TULP4: variants seen among roughly 807,000 people sequenced by gnomAD.
TULP4 encodes TUB like protein 4.
In TULP4, 16 loss-of-function variants were observed where a neutral mutation model predicts 129.0. The observed-to-expected ratio is 0.12, with a 90% confidence interval of 0.08 to 0.19. The LOEUF (loss-of-function observed/expected upper bound fraction) is 0.19. Among genes scored for constraint, TULP4 ranks in the 10% least tolerant of loss-of-function variants. TULP4 has a pLI of 1.00. For missense variants in TULP4, 1,842 were observed against 2,059.1 expected, an observed-to-expected ratio of 0.89 and a Z score of 2.04; for synonymous variants, 998 against 854.0, an observed-to-expected ratio of 1.17 and a Z score of -2.94.
At chr6:158,336,330 G>A (rs1780032845) in intron 1 of TULP4, among the ~76,000 whole-genome samples, 1 of 152,140 alleles carries the variant, frequency 6.6e-6, no homozygotes, top group South Asian at 2.1e-4. Context: ...AGTAATATTA[G>A]TCTTTTATCT....
intron 1 of TULP4, among the ~76,000 whole-genome samples, chr6:158,390,514 A>G (rs911865463): frequency 5.9e-5 from 9 of 152,302 alleles, no homozygotes; most frequent in African/African-American, 1.7e-4. Flanking sequence ...CTGGATTCCA[A>G]TTTGTAACTA....
chr6:158,468,413 ATC>A (rs1779600756), intron 6 of TULP4, among the ~76,000 whole-genome samples: 1 of 152,158 alleles, frequency 6.6e-6, no homozygotes, highest in Non-Finnish European at 1.5e-5. Flanking sequence ...TTCTATAACT[ATC>A]TCTAATATTT....
chr6:158,428,320 C>T (rs182684549), intron 2 of TULP4: 7 of 152,258 alleles, frequency 4.6e-5, no homozygotes, highest in South Asian at 4.2e-4. Flanking sequence ...GAGAGGGTAA[C>T]GTAACCCTGC....
intron 6 of TULP4, among the ~76,000 whole-genome samples, chr6:158,473,168 T>C (rs1168345201): frequency 6.6e-6 from 1 of 152,156 alleles, no homozygotes; most frequent in African/African-American, 2.4e-5. Flanking sequence ...AATAAGAGAT[T>C]GCATGTGTGA....
At chr6:158,315,262 TC>T (rs1207132196) in intron 1 of TULP4, among the ~76,000 whole-genome samples, 1 of 152,072 alleles carries the variant, frequency 6.6e-6, no homozygotes, top group Non-Finnish European at 1.5e-5. Flanking sequence ...AGTCTCAAGA[TC>T]CGGGGCTAGT....
chr6:158,236,790 C>CTTTTTTTTTTTT (rs1562489169), intron 1 of TULP4, among the ~76,000 whole-genome samples: 1 of 33,116 alleles, frequency 3.0e-5, no homozygotes. Context: ...ATGCCCAATT[C>CTTTTTTTTTTTT]TTTTCTTTTT....
chr6:158,497,519 C>T (rs761314479), intron 11 of TULP4, among the ~76,000 whole-genome samples: 1 of 152,228 alleles, frequency 6.6e-6, no homozygotes, highest in Non-Finnish European at 1.5e-5. Context: ...CAGCCACCTA[C>T]TTTTCTTTCC....
intron 1 of TULP4, among the ~76,000 whole-genome samples, chr6:158,243,567 A>G (rs573352680): frequency 1.3e-5 from 2 of 151,298 alleles, no homozygotes; most frequent in East Asian, 1.9e-4. Flanking sequence ...TTTCTTTGCA[A>G]CTCTTTATTG....
chr6:158,443,176 T>G (rs1265204527), intron 3 of TULP4, among the ~76,000 whole-genome samples: 1 of 151,958 alleles, frequency 6.6e-6, no homozygotes, highest in Non-Finnish European at 1.5e-5. Flanking sequence ...TAGAGACTGG[T>G]TTTCACCGTG....
chr6:158,307,424 T>G lies in TULP4; in HGVS notation n.117-4627T>G, dbSNP rs190981606. On this transcript the variant is annotated intron_variant and non_coding_transcript_variant, in intron 1 of 1. Transcript: ENST00000432358. Reference sequence around the variant, plus strand: ...TGCAATGTAGAATTTGAATGAAATATATCAGTGAATTTTTCATCCTTGGTT... The same window carrying G: ...TGCAATGTAGAATTTGAATGAAATAGATCAGTGAATTTTTCATCCTTGGTT... Among the ~76,000 whole-genome samples, 6 of 152,364 alleles carry G rather than the reference T, an allele frequency of 3.9e-5. No individual in the cohort carries two copies. In the East Asian group the frequency reaches 1.2e-3, roughly 29 times the overall value.
intron 1 of TULP4, among the ~76,000 whole-genome samples, chr6:158,254,935 G>T (rs751640928): frequency 6.6e-6 from 1 of 152,214 alleles, no homozygotes; most frequent in African/African-American, 2.4e-5. Context: ...AACTGGGCAT[G>T]GTGTCAGGTG....
At chr6:158,347,090 A>G (rs1366000080) in intron 1 of TULP4, among the ~76,000 whole-genome samples, 1 of 152,188 alleles carries the variant, frequency 6.6e-6, no homozygotes, top group Non-Finnish European at 1.5e-5. Context: ...AGAAATCCGT[A>G]CTTGCCTGCA....
chr6:158,263,286 T>C (rs575693515), intron 1 of TULP4, among the ~76,000 whole-genome samples: 4 of 152,354 alleles, frequency 2.6e-5, no homozygotes, highest in African/African-American at 9.6e-5. Context: ...GGGCCTAAGC[T>C]GGGAGACTGT....
intron 1 of TULP4, among the ~76,000 whole-genome samples, chr6:158,339,999 C>CG (rs965627606): frequency 6.6e-6 from 1 of 152,296 alleles, no homozygotes; most frequent in African/African-American, 2.4e-5. Flanking sequence ...TCCCTCTGTT[C>CG]GGGGTCCCTG....
chr6:158,271,421 T>C (rs1415895031), intron 1 of TULP4, among the ~76,000 whole-genome samples: 1 of 150,312 alleles, frequency 6.7e-6, no homozygotes, highest in Non-Finnish European at 1.5e-5. Flanking sequence ...AGGGTTTCTT[T>C]AATCCATTTT....
At chr6:158,440,154 T>C (rs923204321) in intron 3 of TULP4, among the ~76,000 whole-genome samples, 2 of 151,520 alleles carry the variant, frequency 1.3e-5, no homozygotes, top group African/African-American at 4.8e-5. Context: ...ACCCTGTCTC[T>C]ACAAAAAATA....
At chr6:158,304,878 G>A (rs1779189092) in intron 1 of TULP4, among the ~76,000 whole-genome samples, 1 of 151,868 alleles carries the variant, frequency 6.6e-6, no homozygotes, top group African/African-American at 2.4e-5. Context: ...TATTGTCCAT[G>A]CTGGTCTGAA....
At chr6:158,336,100 A>G (rs1780026118) in intron 1 of TULP4, among the ~76,000 whole-genome samples, 1 of 152,236 alleles carries the variant, frequency 6.6e-6, no homozygotes, top group Admixed American at 6.5e-5. Context: ...CACCCATAGT[A>G]TATTACCAAG....
chr6:158,264,428 G>A (rs1382542210), intron 1 of TULP4, among the ~76,000 whole-genome samples: 1 of 152,126 alleles, frequency 6.6e-6, no homozygotes, highest in Admixed American at 6.5e-5. Flanking sequence ...AGTCATAAAG[G>A]TGTTTTACCC....
Sources: gnomAD v4.1 joint callset for allele counts (sites outside exome capture counted in the v4.1 genomes callset) on GRCh38, gnomAD v4.1.1 for gene constraint, MANE v1.5 for transcripts, NCBI Gene and HGNC (gene_info 2026-07-23, HGNC 2026-07-21) for gene names.